ABCA4: variants seen among roughly 807,000 people sequenced by gnomAD.
ABCA4 encodes the protein ATP binding cassette subfamily A member 4, also known as retinal-specific phospholipid-transporting ATPase ABCA4.
ABCA4 carries 196 observed loss-of-function variants against 263.7 expected under a neutral mutation model. The observed-to-expected ratio is 0.74, with a 90% CI of 0.66 to 0.84. The LOEUF (loss-of-function observed/expected upper bound fraction) is 0.84. Among genes scored for constraint, ABCA4 ranks in the 40% least tolerant of loss-of-function variants. The pLI is 0.00. For missense variants in ABCA4, 2,792 were observed against 2,855.1 expected, an observed-to-expected ratio of 0.98 and a Z score of 0.50; for synonymous variants, 1,133 against 1,094.2, an observed-to-expected ratio of 1.04 and a Z score of -0.70.
chr1:94,053,926 T>C (rs1660905148), intron 16 of ABCA4, among the ~76,000 whole-genome samples: 1 of 152,216 alleles, frequency 6.6e-6, no homozygotes, highest in African/African-American at 2.4e-5. Flanking sequence ...TGAGATGATC[T>C]GAGAGCTGTG....
Position 94,082,327 on chromosome 1 carries a change from C to G in ABCA4, c.858+1025G>C, listed in dbSNP as rs17111017. On this transcript the variant is annotated intron_variant, in intron 7 of 49. Coordinates refer to ENST00000370225, the MANE Select transcript of ABCA4 (RefSeq NM_000350.3). ...TTAACTTAGTTCACAAATGATTAGA[C>G]TTGCTATCTAGACAGTCAAGAAGCC... Among the ~76,000 whole-genome samples the G allele has an allele frequency of 4.1e-3, 630 of 152,334 alleles. 12 individuals are homozygous for G. In the East Asian group the frequency reaches 0.052, roughly 13 times the overall value.
rs752134188 is a variant in ABCA4, at chr1:94,108,731, C to T, written c.303-15G>A. ...CCCTTGCCAAGCTGTAAGGACAAAG[C>T]CTCATTAATAAGGAAATAGCTGTTA... On this transcript the variant is annotated splice_polypyrimidine_tract_variant and intron_variant, in intron 3 of 49. Coordinates refer to ENST00000370225, the MANE Select transcript of ABCA4 (RefSeq NM_000350.3). 1.2e-6 allele frequency: 2 copies of T among 1,613,598 alleles called. No individual in the cohort carries two copies. The highest frequency in any genetic ancestry group is 2.2e-5 in the East Asian group (1 of 44,868).
At chr1:94,050,396 T>C (rs1346984364) in intron 17 of ABCA4, among the ~76,000 whole-genome samples, 5 of 152,204 alleles carry the variant, frequency 3.3e-5, no homozygotes, top group Admixed American at 2.0e-4. Context: ...TTTTATTTTT[T>C]AATCTGTGAA....
At chr1:94,012,222 C>T (rs1226415964) in intron 38 of ABCA4, among the ~76,000 whole-genome samples, 3 of 152,218 alleles carry the variant, frequency 2.0e-5, no homozygotes, top group African/African-American at 7.2e-5. Flanking sequence ...TCCCTGCCTA[C>T]CCTTTCTCCC....
intron 4 of ABCA4, 136 bp from the exon 5 acceptor site, chr1:94,103,278 C>A: frequency 8.8e-7 from 1 of 1,139,014 alleles, no homozygotes; most frequent in Non-Finnish European, 1.3e-6. Context: ...TCTGGGAGCC[C>A]CTAGAGGTGA....
chr1:94,005,371 G>A, intron 44 of ABCA4, 70 bp downstream of exon 44: 2 of 1,585,438 alleles, frequency 1.3e-6, no homozygotes, highest in South Asian at 1.1e-5. Context: ...ATCTCCAAGA[G>A]AATGCACTCT....
At chr1:94,017,774 G>A (rs1282947034) in intron 36 of ABCA4, among the ~76,000 whole-genome samples, 2 of 152,148 alleles carry the variant, frequency 1.3e-5, no homozygotes, top group African/African-American at 4.8e-5. Flanking sequence ...GCATCTTGCT[G>A]AGAAGTTACT....
At chr1:94,093,361 T>C (rs939008776) in intron 6 of ABCA4, among the ~76,000 whole-genome samples, 1 of 152,226 alleles carries the variant, frequency 6.6e-6, no homozygotes, top group African/African-American at 2.4e-5. Flanking sequence ...TCTAGAGCTG[T>C]AGTCAGATTC....
At position 94,023,435 on chromosome 1, in the gene ABCA4, A is replaced by C. The variant is rs749231217; in HGVS notation, c.4635-17T>G. The C allele has an allele frequency of 8.8e-6, 14 of 1,598,702 alleles. No homozygotes were observed. The highest frequency in any genetic ancestry group is 4.4e-5 in the South Asian group (4 of 90,390). ...CTCTTTAAGCTGAAAGCCAAAATAA[A>C]ATAATGCAATGAATACCACAAGTAC... On this transcript the variant is annotated splice_polypyrimidine_tract_variant and intron_variant, in intron 31 of 49. Transcript: ENST00000370225.
chr1:94,026,356 A>G (rs946742435), intron 30 of ABCA4, among the ~76,000 whole-genome samples: 2 of 152,212 alleles, frequency 1.3e-5, no homozygotes, highest in Non-Finnish European at 2.9e-5. Context: ...CCCTACATAC[A>G]CGATCTCACT....
chr1:94,103,988 C>T (rs946585058), intron 4 of ABCA4, among the ~76,000 whole-genome samples: 2 of 152,210 alleles, frequency 1.3e-5, no homozygotes, highest in Non-Finnish European at 1.5e-5. Context: ...CCCGTGTCTG[C>T]ATTTTCCACA....
intron 43 of ABCA4, 54 bp downstream of exon 43, chr1:94,007,577 ATTC>A (rs749258157): frequency 1.4e-6 from 2 of 1,454,282 alleles, no homozygotes; most frequent in East Asian, 2.3e-5. Flanking sequence ...CACCCTTCCT[ATTC>A]TTCTCACAGG....
At position 94,031,900 on chromosome 1, in the gene ABCA4, C is replaced by G. The variant is rs760242485; in HGVS notation, c.4006G>C (p.Glu1336Gln). 2.5e-6 allele frequency: 4 copies of G among 1,614,036 alleles called. No individual in the cohort carries two copies. In the African/African-American group the frequency reaches 5.3e-5, roughly 22 times the overall value. ...AAHPEGQPPPEPECPGPQLNT... is the reference protein window; with the variant it reads ...AAHPEGQPPPQPECPGPQLNT... Reference sequence around the variant, plus strand: ...AGCTGCGGGCCTGGGCACTCTGGCTCTGGGGGAGGCTGGCCCTCTGGGTGA... The same window carrying G: ...AGCTGCGGGCCTGGGCACTCTGGCTGTGGGGGAGGCTGGCCCTCTGGGTGA... Residue 1336 changes from glutamate to glutamine, a missense_variant, in exon 27 of 50, where the codon GAG (glutamate) becomes CAG (glutamine). Physicochemically the swap from Glu to Gln is conservative, Grantham distance 29 (BLOSUM62 2). Transcript: ENST00000370225.
intron 4 of ABCA4, 138 bp downstream of exon 4, chr1:94,108,439 G>T: frequency 8.0e-7 from 1 of 1,255,890 alleles, no homozygotes; most frequent in Non-Finnish European, 1.1e-6. Flanking sequence ...CCAAGGTGAT[G>T]TTCAAGCCGC....
At chr1:94,087,150 C>A (rs1661853802) in intron 6 of ABCA4, among the ~76,000 whole-genome samples, 1 of 152,196 alleles carries the variant, frequency 6.6e-6, no homozygotes, top group Admixed American at 6.5e-5. Context: ...ATGCCATCAT[C>A]TTGGGGATGA....
chr1:94,060,764 A>C lies in ABCA4; in HGVS notation c.1938-5T>G, dbSNP rs1661101276. ...CGGTTCAGGATGATCATGAAACTAAAGCAAAAGGAGAGAAGCAGAATAGTA... is the reference window on the plus strand; with the variant it reads ...CGGTTCAGGATGATCATGAAACTAACGCAAAAGGAGAGAAGCAGAATAGTA... On this transcript the variant is annotated splice_region_variant and splice_polypyrimidine_tract_variant and intron_variant, in intron 13 of 49. Coordinates refer to ENST00000370225, the MANE Select transcript of ABCA4 (RefSeq NM_000350.3). 6.2e-7 allele frequency: 1 copy of C among 1,603,294 alleles called. No individual in the cohort carries two copies. Among genetic ancestry groups the C allele is most frequent in the South Asian group, 1.1e-5 (1 of 89,778 alleles).
At chr1:94,049,364 GC>G (rs1570380552) in intron 17 of ABCA4, among the ~76,000 whole-genome samples, 1 of 152,170 alleles carries the variant, frequency 6.6e-6, no homozygotes, top group East Asian at 1.9e-4. Context: ...GGTGGCTCAC[GC>G]CTGTAATCCC....
rs551653516 is a variant in ABCA4, at chr1:94,030,861, G to A, written c.4253+135C>T. 81 of 1,345,530 alleles carry A rather than the reference G, an allele frequency of 6.0e-5. No homozygotes were observed. In the African/African-American group the frequency reaches 9.6e-4, roughly 16 times the overall value. 83.3% of individuals were successfully genotyped at this position (1,345,530 alleles called of 1,614,324 possible). ...CAGATACATTAAGTTCCTTTCTGCA[G>A]GCAGCCCAAAGACCCCTCCCCTCTC... On this transcript the variant is annotated intron_variant, in intron 28 of 49. Coordinates refer to ENST00000370225, the MANE Select transcript of ABCA4 (RefSeq NM_000350.3).
At chr1:94,020,620 T>A (rs1442145650) in intron 35 of ABCA4, among the ~76,000 whole-genome samples, 1 of 152,214 alleles carries the variant, frequency 6.6e-6, no homozygotes, top group African/African-American at 2.4e-5. Flanking sequence ...TGGATGACCC[T>A]GGGCATGTTC....
Sources: allele counts gnomAD v4.1 joint callset (sites outside exome capture counted in the v4.1 genomes callset), GRCh38; gene constraint gnomAD v4.1.1; transcripts MANE v1.5; gene names NCBI Gene and HGNC (gene_info 2026-07-23, HGNC 2026-07-21).